HPS1: variants seen among roughly 807,000 people sequenced by gnomAD.
The protein encoded by HPS1 is BLOC-3 complex member HPS1.
In HPS1, 59 loss-of-function variants were observed where a neutral mutation model predicts 90.6. The ratio of observed to expected loss-of-function variants is 0.65; its 90% CI spans 0.53 to 0.81. HPS1 has a LOEUF of 0.81. Ranked by LOEUF, HPS1 falls within the 30% of genes least tolerant of loss-of-function variation. The pLI, the probability that HPS1 is intolerant of heterozygous loss-of-function variation, is 0.00. For missense variants in HPS1, 849 were observed against 896.7 expected (o/e 0.95, Z 0.68); for synonymous variants, 388 against 384.4 (o/e 1.01, Z -0.11).
intron 10 of HPS1, among the ~76,000 whole-genome samples, chr10:98,427,493 G>A (rs1845771032): frequency 6.6e-6 from 1 of 152,240 alleles, no homozygotes. Flanking sequence ...TGGCAGAGAA[G>A]CTGCCCCCAG....
chr10:98,438,617 A>G (rs1937815997), intron 3 of HPS1, among the ~76,000 whole-genome samples: 1 of 152,224 alleles, frequency 6.6e-6, no homozygotes, highest in African/African-American at 2.4e-5. Flanking sequence ...TTATGCATTC[A>G]CTAATAGATG....
intron 13 of HPS1, 53 bp from the exon 14 acceptor site, chr10:98,424,427 TC>T: frequency 6.6e-7 from 1 of 1,505,786 alleles, no homozygotes; most frequent in South Asian, 1.2e-5. Flanking sequence ...TCCAGTGAGG[TC>T]CAGGCCAAAG....
chr10:98,417,766 G>A lies in HPS1; in HGVS notation c.1941-40C>T, dbSNP rs370212832. On this transcript the variant is annotated intron_variant, in intron 19 of 19. Coordinates refer to ENST00000361490, the MANE Select transcript of HPS1 (RefSeq NM_000195.5). This position sits in a 1 kb window ranked among gnomAD's most constrained non-coding sequence, Gnocchi z 4.2. ...GAGGATGGGATTCAGGAGTGAGGCT[G>A]TGGCACTCCTCCAGCGCCAGAGGCC... 1.8e-4 allele frequency: 284 copies of A among 1,597,246 alleles called. 1 individual carries two copies. In the African/African-American group the frequency reaches 2.8e-3, roughly 16 times the overall value.
At chr10:98,420,319 C>T (rs927390543) in intron 17 of HPS1, 161 bp from the exon 18 acceptor site, 6 of 670,288 alleles carry the variant, frequency 9.0e-6, no homozygotes, top group Non-Finnish European at 1.6e-5. Flanking sequence ...GGAGGCTCAA[C>T]AATAAATCAT....
chr10:98,439,661 T>C (rs1938056097), intron 3 of HPS1, among the ~76,000 whole-genome samples: 1 of 152,208 alleles, frequency 6.6e-6, no homozygotes, highest in Non-Finnish European at 1.5e-5. Flanking sequence ...CAGGTGAGAC[T>C]TCAGTCTTGG....
In HPS1 at chr10:98,432,320, T is replaced by C. The variant is rs188037199; in HGVS notation, c.508-1029A>G. Among the ~76,000 whole-genome samples the C allele has an allele frequency of 1.1e-4, 16 of 152,346 alleles. No homozygotes were observed. In the East Asian group the frequency reaches 3.1e-3, roughly 29 times the overall value. ...ATAGCTTTTGATGAAAAACCTAATATGGCACCAGGATTCTTTATTATATCT... is the reference window on the plus strand; with the variant it reads ...ATAGCTTTTGATGAAAAACCTAATACGGCACCAGGATTCTTTATTATATCT... On this transcript the variant is annotated intron_variant, in intron 6 of 19. Transcript: ENST00000361490.
rs562584965 is a variant in HPS1, at chr10:98,429,233, T to C, written c.937+340A>G. On this transcript the variant is annotated intron_variant, in intron 10 of 19. Transcript: ENST00000361490. ...TACAGATGCTGAATATATTTTAGAA[T>C]GTATAGAAATTAGATGATTATTACT... The C allele has an allele frequency of 6.1e-5, 67 of 1,090,054 alleles. 1 individual carries two copies. The South Asian group carries it at 1.2e-3, about 20-fold the overall frequency. 67.5% of individuals were successfully genotyped at this position (1,090,054 alleles called of 1,614,324 possible). A position where few individuals can be genotyped will look rare whatever the true frequency, so the allele number is the denominator to read the frequency against.
chr10:98,432,186 T>C (rs1479965095), intron 6 of HPS1, among the ~76,000 whole-genome samples: 1 of 152,204 alleles, frequency 6.6e-6, no homozygotes, highest in East Asian at 1.9e-4. Context: ...CAGGGCCTGG[T>C]AGGCTTGGGA....
intron 7 of HPS1, 85 bp downstream of exon 7, chr10:98,431,046 C>A: frequency 7.1e-7 from 1 of 1,399,088 alleles, no homozygotes. Context: ...CTTGGCTGGG[C>A]AGGTGGTGCT....
chr10:98,442,151 G>A (rs554322016), intron 3 of HPS1, among the ~76,000 whole-genome samples: 1 of 152,336 alleles, frequency 6.6e-6, no homozygotes, highest in East Asian at 1.9e-4. Flanking sequence ...GACAAGGAAT[G>A]AACGATTGAT....
chr10:98,430,023 T>A (rs1471702557), intron 8 of HPS1, 134 bp from the exon 9 acceptor site: 7 of 726,974 alleles, frequency 9.6e-6, no homozygotes. Flanking sequence ...GTCCTGGGTG[T>A]GTGGTCCTCA....
Position 98,443,199 on chromosome 10 carries a change from G to C in HPS1, c.42C>G (p.Leu14=). 6.2e-7 allele frequency: 1 copy of C among 1,614,108 alleles called. No individual in the cohort carries two copies. The highest frequency in any genetic ancestry group is 8.5e-7 in the Non-Finnish European group (1 of 1,180,014). The stretch of plus-strand genomic sequence containing the variant: ...CAAACTCCTGATCTGTCCAGTAGAA[G>C]AGGACCTCTGCGCCCTCAGTGGCCA... ...VLVATEGAEV[L]FYWTDQEFEE... is the part of the protein sequence containing the mutation. The change falls in exon 3 of 20, where the codon CTC becomes CTG. Residue 14 remains leucine, a synonymous_variant. Coordinates refer to ENST00000361490, the MANE Select transcript of HPS1 (RefSeq NM_000195.5).
chr10:98,420,232 G>A, intron 17 of HPS1, 74 bp from the exon 18 acceptor site: 3 of 1,085,048 alleles, frequency 2.8e-6, no homozygotes, highest in Non-Finnish European at 4.3e-6. Flanking sequence ...TCCGAAGGAA[G>A]GAAAGGGCAC....
In HPS1 at chr10:98,420,080, A is replaced by G; in HGVS notation, c.1822T>C (p.Tyr608His). The G allele has an allele frequency of 1.2e-6, 2 of 1,614,056 alleles. No individual in the cohort carries two copies. The highest frequency in any genetic ancestry group is 1.7e-6 in the Non-Finnish European group (2 of 1,179,882). The change falls in exon 18 of 20, where the codon TAC (tyrosine) becomes CAC (histidine). Residue 608 changes from tyrosine to histidine, a missense_variant. Physicochemically the swap from Tyr to His is moderately conservative, Grantham distance 83. Coordinates refer to ENST00000361490, the MANE Select transcript of HPS1 (RefSeq NM_000195.5). ...TTLLFQEGDF[Y>H]CSYFLWFEND... is the part of the protein sequence containing the mutation. Reference sequence around the variant, plus strand: ...TCGAACCACAGGAAGTAGGAGCAGTAGAAATCCCCCTCCTGGAACAGCAGC... The same window carrying G: ...TCGAACCACAGGAAGTAGGAGCAGTGGAAATCCCCCTCCTGGAACAGCAGC...
chr10:98,415,661 G>A (rs1171426473), downstream of HPS1, among the ~76,000 whole-genome samples: 1 of 152,226 alleles, frequency 6.6e-6, no homozygotes, highest in African/African-American at 2.4e-5. Flanking sequence ...GCCCACAGGA[G>A]GCGCCCAGGG....
intron 3 of HPS1, among the ~76,000 whole-genome samples, chr10:98,441,167 C>T (rs542888218): frequency 2.0e-5 from 3 of 152,274 alleles, no homozygotes; most frequent in Middle Eastern, 3.4e-3. Flanking sequence ...GTAAGAACAC[C>T]TTCCACTGCA....
intron 3 of HPS1, among the ~76,000 whole-genome samples, chr10:98,439,739 A>C (rs905442942): frequency 1.1e-4 from 17 of 152,154 alleles, no homozygotes; most frequent in African/African-American, 4.1e-4. Flanking sequence ...ATTGGTTTTG[A>C]AATGTAAAAG....
At position 98,427,064 on chromosome 10, in the gene HPS1, G is replaced by T. The variant is rs1845700874; in HGVS notation, c.987+151C>A. 6.3e-6 allele frequency: 4 copies of T among 631,794 alleles called. No individual in the cohort carries two copies. The East Asian group carries it at 1.1e-4, about 18-fold the overall frequency. The allele number at this position is 631,794 out of a possible 1,614,324, so 39.1% of individuals were successfully genotyped here. A position where few individuals can be genotyped will look rare whatever the true frequency, so the allele number is the denominator to read the frequency against. ...GCCTCTGGGCTGAGCTCTGGCACCA[G>T]GACAGGCACCTGCACTGACCAGCCC... On this transcript the variant is annotated intron_variant, in intron 11 of 19. Coordinates refer to ENST00000361490, the MANE Select transcript of HPS1 (RefSeq NM_000195.5).
chr10:98,418,213 G>A lies in HPS1; in HGVS notation c.1902C>T (p.Asp634=), dbSNP rs761357789. Reference sequence around the variant, plus strand: ...CTCCCAGCATGCCGATAGGCACTGAGTCGTCGGAGAGGACGGGCACCTCGA... The same window carrying A: ...CTCCCAGCATGCCGATAGGCACTGAATCGTCGGAGAGGACGGGCACCTCGA... ...QMIEVPVLSD[D]SVPIGMLGGD... The change falls in exon 19 of 20, where the codon GAC becomes GAT. Residue 634 remains aspartate, a synonymous_variant. Transcript: ENST00000361490. 5.0e-6 allele frequency: 8 copies of A among 1,611,230 alleles called. No homozygotes were observed. The highest frequency in any genetic ancestry group is 5.9e-6 in the Non-Finnish European group (7 of 1,178,116).
Sources: gnomAD v4.1 joint callset for allele counts (sites outside exome capture counted in the v4.1 genomes callset) on GRCh38, gnomAD v4.1.1 for gene constraint, Gnocchi (gnomAD v3.1) non-coding constraint, MANE v1.5 for transcripts, NCBI Gene and HGNC (gene_info 2026-07-23, HGNC 2026-07-21) for gene names.